Variants in INSL6 observed in about 807,000 individuals in gnomAD.
The protein encoded by INSL6 is insulin like 6, also known as insulin-like peptide INSL6.
Under a neutral mutation model 9.4 loss-of-function variants are expected in INSL6, and 16 were observed. That is an observed-to-expected ratio of 1.70 (90% CI 1.15 to 2.59). The LOEUF (loss-of-function observed/expected upper bound fraction) is 2.59, where lower values mean the gene tolerates loss of function less well. INSL6 is among the 30% of genes most tolerant of loss of function. INSL6 has a pLI of 0.00. For missense variants in INSL6, 391 were observed against 257.3 expected (o/e 1.52, Z -3.56); for synonymous variants, 154 against 96.9 (o/e 1.59, Z -3.46).
chr9:5,138,485 G>C (rs1292683698), intron 2 of INSL6, among the ~76,000 whole-genome samples: 1 of 152,098 alleles, frequency 6.6e-6, no homozygotes, highest in Non-Finnish European at 1.5e-5. Context: ...CACAAGAACA[G>C]AAAACCAAAC....
In INSL6 at chr9:5,165,136, G is replaced by A. The variant is rs75893672; in HGVS notation, c.290-871C>T. Among the ~76,000 whole-genome samples, 400 of 152,252 alleles carry A rather than the reference G, an allele frequency of 2.6e-3. 5 individuals carry two copies. The highest frequency in any genetic ancestry group is 9.1e-3 in the African/African-American group (379 of 41,546). On this transcript the variant is annotated intron_variant, in intron 1 of 1. Transcript: ENST00000381641. ...TGAGGCATGAGAATCACTTGAACAC[G>A]GGAGGAAGAAGTTGCAGTGAGCCGA...
downstream of INSL6, among the ~76,000 whole-genome samples, chr9:5,159,417 T>C (rs1015046408): frequency 2.6e-5 from 4 of 151,672 alleles, no homozygotes; most frequent in Non-Finnish European, 4.4e-5. Flanking sequence ...ACACGCTTCA[T>C]GTATACAGAC....
At chr9:5,084,915 C>T in the INSL6 span, 2 of 512,192 alleles carry the variant, frequency 3.9e-6, no homozygotes, top group Non-Finnish European at 3.8e-6. Context: ...TGGTTATCTG[C>T]ACATGAAGCA....
At chr9:5,048,309 T>C in the INSL6 span, among the ~76,000 whole-genome samples, 4 of 151,982 alleles carry the variant, frequency 2.6e-5, no homozygotes, top group African/African-American at 9.7e-5. Flanking sequence ...GCCCGGCTAA[T>C]TTTTTGTATT....
the INSL6 span, among the ~76,000 whole-genome samples, chr9:5,022,420 T>C: frequency 6.6e-5 from 10 of 152,186 alleles, no homozygotes; most frequent in African/African-American, 2.4e-4. Context: ...CAAAACAAAT[T>C]GATGCCCATA....
the INSL6 span, chr9:5,054,543 A>T: frequency 6.5e-7 from 1 of 1,532,172 alleles, no homozygotes. The surrounding 1 kb of genome is among the most constrained non-coding windows in gnomAD (Gnocchi z 4.9). Context: ...GTTTTTCTGT[A>T]TGTGCTTTTT....
chr9:5,177,816 G>C (rs933832060), intron 1 of INSL6, among the ~76,000 whole-genome samples: 2 of 152,092 alleles, frequency 1.3e-5, no homozygotes, highest in South Asian at 2.1e-4. Context: ...AGAGGAGGAA[G>C]GTACCCCACA....
intron 3 of INSL6, chr9:5,127,559 T>G (rs1824078307): frequency 4.3e-6 from 1 of 231,108 alleles, no homozygotes; most frequent in African/African-American, 2.2e-5. Context: ...GGTGAATGTG[T>G]TTTTTAAATG....
chr9:5,015,505 T>C, the INSL6 span, among the ~76,000 whole-genome samples: 1 of 151,428 alleles, frequency 6.6e-6, no homozygotes, highest in Non-Finnish European at 1.5e-5. Context: ...CTGGTTGTAG[T>C]TGTGATCATT....
the INSL6 span, among the ~76,000 whole-genome samples, chr9:5,047,375 A>C: frequency 5.5e-3 from 843 of 152,364 alleles, 9 homozygotes; most frequent in African/African-American, 0.019. Context: ...GCAAATAAAA[A>C]TCAAAAGTAA....
At chr9:5,057,588 T>TG in the INSL6 span, among the ~76,000 whole-genome samples, 1 of 148,196 alleles carries the variant, frequency 6.7e-6, no homozygotes, top group African/African-American at 2.5e-5. Flanking sequence ...TTCTTTTTTT[T>TG]TTTTTTTTTT....
the INSL6 span, chr9:5,080,518 G>T: frequency 6.4e-7 from 1 of 1,571,998 alleles, no homozygotes; most frequent in Non-Finnish European, 8.6e-7. Context: ...TCAGTTTGTG[G>T]TTCTTTAATT....
chr9:5,072,779 G>C, the INSL6 span, among the ~76,000 whole-genome samples: 1 of 152,108 alleles, frequency 6.6e-6, no homozygotes, highest in South Asian at 2.1e-4. Context: ...TGGGGCTATA[G>C]AATTACAGGG....
At chr9:5,148,464 G>T (rs1744444758) in intron 2 of INSL6, among the ~76,000 whole-genome samples, 1 of 152,126 alleles carries the variant, frequency 6.6e-6, no homozygotes, top group Non-Finnish European at 1.5e-5. Context: ...AGCCATCTCT[G>T]ATCACTGGCA....
chr9:5,061,485 T>G, the INSL6 span, among the ~76,000 whole-genome samples: 1 of 152,230 alleles, frequency 6.6e-6, no homozygotes, highest in Non-Finnish European at 1.5e-5. Context: ...TGCACATGGC[T>G]TCTTTTCTTA....
At chr9:5,054,897 G>A in the INSL6 span, 232 of 1,527,188 alleles carry the variant, frequency 1.5e-4, 1 homozygote, top group South Asian at 2.0e-3. The surrounding 1 kb of genome is among the most constrained non-coding windows in gnomAD (Gnocchi z 4.9). Flanking sequence ...AATCCTTAAT[G>A]ATATGTTCTT....
chr9:5,185,346 G>A lies in INSL6; in HGVS notation c.257C>T (p.Ala86Val). The A allele has an allele frequency of 6.2e-7, 1 of 1,614,158 alleles. No homozygotes were observed. Among genetic ancestry groups the A allele is most frequent in the Non-Finnish European group, 8.5e-7 (1 of 1,180,016 alleles). The change falls in exon 1 of 2, where the codon GCT (alanine) becomes GTT (valine). Residue 86 changes from alanine (A) to valine (V), a missense_variant. Ala to Val is a moderately conservative substitution (Grantham distance 64). Coordinates refer to ENST00000381641, the MANE Select transcript of INSL6 (RefSeq NM_007179.3). ...SPYQFESPQTASPARGRGTNP... is the reference protein window; with the variant it reads ...SPYQFESPQTVSPARGRGTNP... ...TGTGCCTCTTCCCCGGGCCGGGGAA[G>A]CGGTTTGCGGGCTTTCGAACTGGTA...
At chr9:5,021,515 T>C in the INSL6 span, among the ~76,000 whole-genome samples, 1 of 152,382 alleles carries the variant, frequency 6.6e-6, no homozygotes, top group Admixed American at 6.5e-5. Flanking sequence ...TATGTAGTAA[T>C]ACACGATATT....
In INSL6 at chr9:5,185,304, C is replaced by T. The variant is rs1158370287; in HGVS notation, c.289+10G>A. ...AGGTGAACAAACATGCCTTCGGTTT[C>T]GATTTTTACCTGGGTTTGTGCCTCT... On this transcript the variant is annotated intron_variant, in intron 1 of 1. Transcript: ENST00000381641. 6 of 1,613,878 alleles carry T rather than the reference C, an allele frequency of 3.7e-6. No individual in the cohort carries two copies. Among genetic ancestry groups the T allele is most frequent in the African/African-American group, 1.3e-5 (1 of 74,884 alleles).
Sources: gnomAD v4.1 joint callset for allele counts (sites outside exome capture counted in the v4.1 genomes callset) on GRCh38, gnomAD v4.1.1 for gene constraint, Gnocchi (gnomAD v3.1) non-coding constraint, MANE v1.5 for transcripts, NCBI Gene and HGNC (gene_info 2026-07-23, HGNC 2026-07-21) for gene names.